The following FGF2 variants were observed in gnomAD, a reference collection of about 807,000 sequenced individuals.
FGF2 encodes fibroblast growth factor 2.
FGF2 carries 13 observed loss-of-function variants against 15.9 expected under a neutral mutation model. That is an observed-to-expected ratio of 0.82 (90% confidence interval 0.53 to 1.30). The LOEUF is 1.30. FGF2 is among the 50% of genes most tolerant of loss of function. FGF2 has a pLI of 0.00. For synonymous variants in FGF2, 90 were observed against 78.4 expected (o/e 1.15, Z -0.78); for missense variants, 163 against 196.9 (o/e 0.83, Z 1.03).
chr4:122,872,357 A>G (rs1425067069), intron 1 of FGF2, among the ~76,000 whole-genome samples: 1 of 152,222 alleles, frequency 6.6e-6, no homozygotes, highest in Admixed American at 6.5e-5. Flanking sequence ...GAAAGCCTCC[A>G]AGAAATATGG....
At position 122,892,436 on chromosome 4, in the gene FGF2, G is replaced by A; in HGVS notation, c.*40G>A. ...TCTAATCTCATTTCACATGAAAGAA[G>A]AAGTATATTTTAGAAATTTGTTAAT... On this transcript the variant is annotated 3_prime_UTR_variant, in exon 3 of 3. Coordinates refer to ENST00000644866, the MANE Select transcript of FGF2 (RefSeq NM_001361665.2). 1 of 1,611,246 alleles carries A rather than the reference G, an allele frequency of 6.2e-7. No individual in the cohort carries two copies. The highest frequency in any genetic ancestry group is 1.1e-5 in the South Asian group (1 of 90,950).
At position 122,866,299 on chromosome 4, in the gene FGF2, C is replaced by T. The variant is rs112137100; in HGVS notation, c.179-10022C>T. On this transcript the variant is annotated intron_variant, in intron 1 of 2. Coordinates refer to ENST00000644866, the MANE Select transcript of FGF2 (RefSeq NM_001361665.2). ...AGGAGAATGGCGTGAACCCAGGAGGCGGAGCTTGCAGTGAGCCGAGATTGC... is the reference window on the plus strand; with the variant it reads ...AGGAGAATGGCGTGAACCCAGGAGGTGGAGCTTGCAGTGAGCCGAGATTGC... Among the ~76,000 whole-genome samples the T allele has an allele frequency of 1.8e-3, 265 of 150,994 alleles. 2 individuals carry two copies. The highest frequency in any genetic ancestry group is 6.2e-3 in the African/African-American group (254 of 41,186).
intron 1 of FGF2, among the ~76,000 whole-genome samples, chr4:122,865,801 T>A (rs1726562220): frequency 6.6e-6 from 1 of 152,176 alleles, no homozygotes; most frequent in Admixed American, 6.5e-5. Context: ...TTGGGTGTAG[T>A]GATCTTTAAG....
rs754935265 is a variant in FGF2, at chr4:122,895,802, T to C, written c.*3406T>C. ...CAAACAAATGTGTTTCCCAGTTAAC[T>C]AGGGTTTACTGTTTGAGCCAATATA... On this transcript the variant is annotated 3_prime_UTR_variant, in exon 3 of 3. Transcript: ENST00000644866. The C allele has an allele frequency of 1.3e-5, 2 of 152,236 alleles. No individual in the cohort carries two copies. Among genetic ancestry groups the C allele is most frequent in the Non-Finnish European group, 2.9e-5 (2 of 68,032 alleles). 9.4% of individuals were successfully genotyped at this position (152,236 alleles called of 1,614,324 possible).
chr4:122,877,179 G>A (rs1033322877), intron 2 of FGF2, among the ~76,000 whole-genome samples: 2 of 150,896 alleles, frequency 1.3e-5, no homozygotes, highest in Admixed American at 6.6e-5. Context: ...GCGTAATCTC[G>A]GGTCACTGTA....
At chr4:122,839,965 C>G (rs1434116967) in intron 1 of FGF2, among the ~76,000 whole-genome samples, 1 of 152,194 alleles carries the variant, frequency 6.6e-6, no homozygotes, top group African/African-American at 2.4e-5. Context: ...TGGCCACTCT[C>G]TAGCTGCCTC....
chr4:122,875,405 C>T (rs1340133230), intron 1 of FGF2, among the ~76,000 whole-genome samples: 2 of 150,560 alleles, frequency 1.3e-5, no homozygotes, highest in Non-Finnish European at 3.0e-5. Context: ...TTTTGTGTTT[C>T]CACTAGATAG....
At chr4:122,826,770 G>A (rs965528241), upstream of FGF2, 7 of 1,327,756 alleles carry the variant, frequency 5.3e-6, no homozygotes, top group Middle Eastern at 5.3e-4. Context: ...CTGGGGGCGC[G>A]GGAGGCTGGT....
rs35597051 is a variant in FGF2, at chr4:122,830,816, CAAAA to C, written c.178+3485_178+3488del. Among the ~76,000 whole-genome samples the C allele has an allele frequency of 9.4e-4, 87 of 92,812 alleles. 2 individuals carry two copies. In the South Asian group the frequency reaches 0.022, roughly 24 times the overall value. The allele number at this position is 92,812 out of a possible 152,430, so 60.9% of individuals were successfully genotyped here. On this transcript the variant is annotated intron_variant, in intron 1 of 2. Transcript: ENST00000644866. ...AATTTATTCCAGGTGCTCTTATTTA[CAAAA>C]AAAAAAAAAAAAAAAAAAAATGAGA... is the stretch of plus-strand genomic sequence containing the variant.
At chr4:122,891,044 TTG>T (rs1317092099) in intron 2 of FGF2, among the ~76,000 whole-genome samples, 62 of 143,622 alleles carry the variant, frequency 4.3e-4, no homozygotes, top group African/African-American at 1.3e-3. Context: ...TTGTTTTGTT[TTG>T]TTTTGTTTTT....
intron 1 of FGF2, among the ~76,000 whole-genome samples, chr4:122,832,120 G>C (rs371484893): frequency 6.6e-6 from 1 of 152,122 alleles, no homozygotes; most frequent in African/African-American, 2.4e-5. Flanking sequence ...TCCAATTCTA[G>C]TGTTTGTTGA....
At chr4:122,846,704 A>C (rs1578457210) in intron 1 of FGF2, among the ~76,000 whole-genome samples, 1 of 152,208 alleles carries the variant, frequency 6.6e-6, no homozygotes, top group South Asian at 2.1e-4. Flanking sequence ...TCACTTCTTT[A>C]CCTATGTATT....
intron 1 of FGF2, among the ~76,000 whole-genome samples, chr4:122,838,476 G>A (rs1315068421): frequency 6.6e-6 from 1 of 152,176 alleles, no homozygotes. Flanking sequence ...CATTTGACAA[G>A]TAAGAAAATA....
chr4:122,835,101 G>A (rs1313214360), intron 1 of FGF2, among the ~76,000 whole-genome samples: 1 of 152,120 alleles, frequency 6.6e-6, no homozygotes, highest in Non-Finnish European at 1.5e-5. Context: ...AGCACCCATT[G>A]CATAGCAATC....
At chr4:122,879,722 G>A (rs1429695739) in intron 2 of FGF2, among the ~76,000 whole-genome samples, 2 of 152,210 alleles carry the variant, frequency 1.3e-5, no homozygotes, top group Non-Finnish European at 2.9e-5. Context: ...GCAAGGAAGA[G>A]CAAGTCACAT....
In FGF2 at chr4:122,827,381, A is replaced by T. The variant is rs1725665464; in HGVS notation, c.178+29A>T. On this transcript the variant is annotated intron_variant, in intron 1 of 2. Transcript: ENST00000644866. This position sits in a 1 kb window ranked among gnomAD's most constrained non-coding sequence, Gnocchi z 4.2. The stretch of plus-strand genomic sequence containing the variant: ...AGTGCCGACCCGCTCTCTCCGCCTC[A>T]TTTCCATTTCGTGGGTTCTCGCCCG... The T allele has an allele frequency of 1.9e-6, 3 of 1,611,244 alleles. No homozygotes were observed. The highest frequency in any genetic ancestry group is 1.6e-4 in the Middle Eastern group (1 of 6,082).
intron 1 of FGF2, among the ~76,000 whole-genome samples, chr4:122,831,259 A>G (rs1225456469): frequency 6.6e-6 from 1 of 152,050 alleles, no homozygotes; most frequent in Non-Finnish European, 1.5e-5. Flanking sequence ...TGCGCTCTTC[A>G]TTCCACCATA....
upstream of FGF2, chr4:122,826,732 AG>A: frequency 8.0e-7 from 1 of 1,256,236 alleles, no homozygotes. Flanking sequence ...CCGAGCGAGT[AG>A]GGGGCGGCGC....
At chr4:122,847,906 A>G (rs1310779362) in intron 1 of FGF2, among the ~76,000 whole-genome samples, 2 of 152,214 alleles carry the variant, frequency 1.3e-5, no homozygotes, top group Non-Finnish European at 2.9e-5. Context: ...TACTCTACTC[A>G]AAGTCCACTG....
Sources: allele counts gnomAD v4.1 joint callset (sites outside exome capture counted in the v4.1 genomes callset), GRCh38; gene constraint gnomAD v4.1.1; non-coding constraint Gnocchi (gnomAD v3.1); transcripts MANE v1.5; gene names NCBI Gene and HGNC (gene_info 2026-07-23, HGNC 2026-07-21).